Variants in FNIP1 observed in about 807,000 individuals in gnomAD.
FNIP1 encodes the protein folliculin interacting protein 1.
FNIP1 carries 40 observed loss-of-function variants against 124.5 expected under a neutral mutation model. The observed-to-expected ratio is 0.32, with a 90% confidence interval of 0.25 to 0.42. The LOEUF is 0.42. Ranked by LOEUF, FNIP1 falls within the 10% of genes least tolerant of loss-of-function variation. FNIP1 has a pLI of 1.00. For synonymous variants in FNIP1, 472 were observed against 470.6 expected (o/e 1.00, Z -0.04); for missense variants, 1,176 against 1,403.7 (o/e 0.84, Z 2.59).
chr5:131,788,851 T>G (rs1772306921), intron 1 of FNIP1, among the ~76,000 whole-genome samples: 1 of 152,068 alleles, frequency 6.6e-6, no homozygotes. Context: ...CAACCAAAAT[T>G]ATAATATTTG....
chr5:131,672,418 C>T lies in FNIP1; in HGVS notation c.2026G>A (p.Ala676Thr), dbSNP rs369691927. 9.3e-6 allele frequency: 15 copies of T among 1,613,866 alleles called. No individual in the cohort carries two copies. Among genetic ancestry groups the T allele is most frequent in the Middle Eastern group, 1.6e-4 (1 of 6,062 alleles). ...GTGCAAACAACTGTCTCTAACTTGG[C>T]GTCAAAGCAAGTTCTTAATTTATCT... The part of the protein sequence containing the change: ...YRDKLRTCFD[A>T]KLETVVCTGS... The change falls in exon 14 of 18, where the codon GCC (alanine) becomes ACC (threonine). Residue 676 changes from alanine to threonine, a missense_variant. Ala to Thr is a moderately conservative substitution (Grantham distance 58). Transcript: ENST00000510461.
chr5:131,719,607 CA>C (rs1769588522), intron 3 of FNIP1, among the ~76,000 whole-genome samples, 190 bp from the exon 4 acceptor site: 2 of 152,310 alleles, frequency 1.3e-5, no homozygotes, highest in South Asian at 4.1e-4. Flanking sequence ...CATGTTGTTA[CA>C]CATAAATTTG....
intron 16 of FNIP1, among the ~76,000 whole-genome samples, chr5:131,647,596 C>G (rs1291299959): frequency 6.6e-6 from 1 of 152,094 alleles, no homozygotes; most frequent in Non-Finnish European, 1.5e-5. Flanking sequence ...GCCTCAGTCT[C>G]CTGAGTAGCT....
intron 1 of FNIP1, among the ~76,000 whole-genome samples, chr5:131,789,231 G>A (rs961354982): frequency 1.3e-5 from 2 of 152,080 alleles, no homozygotes; most frequent in African/African-American, 4.8e-5. Flanking sequence ...TAGAAGTAGA[G>A]TAGAATAGTG....
intron 3 of FNIP1, among the ~76,000 whole-genome samples, chr5:131,726,242 T>C (rs953796722): frequency 2.0e-5 from 3 of 152,188 alleles, no homozygotes; most frequent in Admixed American, 6.5e-5. Context: ...TTTTTTTCTA[T>C]TGATTGGAAT....
chr5:131,657,140 A>C (rs1317661305), intron 15 of FNIP1, among the ~76,000 whole-genome samples: 2 of 149,018 alleles, frequency 1.3e-5, no homozygotes, highest in African/African-American at 5.0e-5. Flanking sequence ...AGTAGCTGGG[A>C]CTACAGGCAC....
rs1242093357 is a variant in FNIP1 at position 131,698,896 on chromosome 5, G to A, written c.1202+21C>T. 6 of 1,579,888 alleles carry A rather than the reference G, an allele frequency of 3.8e-6. No homozygotes were observed. The African/African-American group carries it at 5.5e-5, about 14-fold the overall frequency. On this transcript the variant is annotated intron_variant, in intron 11 of 17. Coordinates refer to ENST00000510461, the MANE Select transcript of FNIP1 (RefSeq NM_133372.3). ...TGTACACTATGAATTACTGCATTAT[G>A]GAAAGCTGGGCAATATGTACCTGAA...
intron 2 of FNIP1, among the ~76,000 whole-genome samples, chr5:131,740,806 A>C (rs968603184): frequency 6.6e-6 from 1 of 152,180 alleles, no homozygotes; most frequent in African/African-American, 2.4e-5. Flanking sequence ...GGCACAAGAC[A>C]TAAGTCATAA....
chr5:131,649,087 C>T (rs1173978426), intron 16 of FNIP1, among the ~76,000 whole-genome samples: 1 of 152,222 alleles, frequency 6.6e-6, no homozygotes, highest in East Asian at 1.9e-4. Context: ...TTATTTCTAA[C>T]GTTTGGCGAT....
chr5:131,693,604 T>A (rs968062432), intron 11 of FNIP1, among the ~76,000 whole-genome samples: 1 of 151,764 alleles, frequency 6.6e-6, no homozygotes, highest in African/African-American at 2.4e-5. Context: ...GTCATAAGCA[T>A]AAAATGCAAA....
chr5:131,670,458 C>A lies in FNIP1; in HGVS notation c.3108+5G>T. ...ATAAACTCAAAAACAGTGAAGGTCA[C>A]TCACCTGCACAGCATGAGATAAATC... On this transcript the variant is annotated splice_donor_5th_base_variant and intron_variant, in intron 15 of 17. Transcript: ENST00000510461. The A allele has an allele frequency of 6.4e-7, 1 of 1,571,332 alleles. No individual in the cohort carries two copies. Among genetic ancestry groups the A allele is most frequent in the African/African-American group, 1.4e-5 (1 of 73,204 alleles).
In FNIP1 at chr5:131,671,930, A is replaced by G; in HGVS notation, c.2514T>C (p.Tyr838=). 6.2e-6 allele frequency: 10 copies of G among 1,614,234 alleles called. No homozygotes were observed. Among genetic ancestry groups the G allele is most frequent in the Non-Finnish European group, 8.5e-6 (10 of 1,180,036 alleles). The part of the protein sequence containing the change: ...DPESMSLFDE[Y]FNDDSIETRT... ...TGGTTTCGATTGAATCATCATTAAA[A>G]TATTCGTCGAATAAGCTCATGCTTT... Residue 838 remains tyrosine (Y), a synonymous_variant, in exon 14 of 18, where the codon TAT becomes TAC. Coordinates refer to ENST00000510461, the MANE Select transcript of FNIP1 (RefSeq NM_133372.3).
chr5:131,670,743 A>C, intron 14 of FNIP1, 112 bp from the exon 15 acceptor site: 1 of 707,496 alleles, frequency 1.4e-6, no homozygotes, highest in South Asian at 3.2e-5. Flanking sequence ...GTCTGTATTA[A>C]AATCAAGTGT....
chr5:131,767,427 CAAAAAAAAAAAAAAAAAA>C (rs139550903), intron 1 of FNIP1, among the ~76,000 whole-genome samples: 2 of 63,992 alleles, frequency 3.1e-5, no homozygotes, highest in South Asian at 2.0e-3. Context: ...GATTCTGTCT[CAAAAAAAAAAAAAAAAAA>C]AAAAAAAAAA....
intron 13 of FNIP1, among the ~76,000 whole-genome samples, chr5:131,673,708 G>C (rs115610269): frequency 6.6e-6 from 1 of 152,130 alleles, no homozygotes; most frequent in Non-Finnish European, 1.5e-5. Flanking sequence ...AGCTATAGTC[G>C]TCACACCACA....
chr5:131,767,082 A>T (rs777105044), intron 1 of FNIP1, among the ~76,000 whole-genome samples: 2 of 152,128 alleles, frequency 1.3e-5, no homozygotes, highest in East Asian at 3.9e-4. Context: ...ACTACGGCTT[A>T]TATCACTGCA....
chr5:131,655,752 CAAA>C (rs35443566), intron 15 of FNIP1, among the ~76,000 whole-genome samples: 1 of 139,812 alleles, frequency 7.2e-6, no homozygotes, highest in Admixed American at 7.1e-5. Flanking sequence ...ACTAAAAATA[CAAA>C]AAAAAAAAAA....
chr5:131,790,103 T>C (rs1159894044), intron 1 of FNIP1, among the ~76,000 whole-genome samples: 1 of 152,224 alleles, frequency 6.6e-6, no homozygotes, highest in African/African-American at 2.4e-5. Flanking sequence ...ATTCTACAAA[T>C]ATTTCCTCAG....
chr5:131,694,901 T>C (rs1768636427), intron 11 of FNIP1, among the ~76,000 whole-genome samples: 1 of 151,998 alleles, frequency 6.6e-6, no homozygotes, highest in African/African-American at 2.4e-5. Context: ...GACCAGGAGT[T>C]TGACACCAGT....
Sources: gnomAD v4.1 joint callset for allele counts (sites outside exome capture counted in the v4.1 genomes callset) on GRCh38, gnomAD v4.1.1 for gene constraint, MANE v1.5 for transcripts, NCBI Gene and HGNC (gene_info 2026-07-23, HGNC 2026-07-21) for gene names.